Variants in KRT3 observed in about 807,000 individuals in gnomAD.
KRT3 encodes the protein keratin, type II cytoskeletal 3.
KRT3 carries 34 observed loss-of-function variants against 45.8 expected under a neutral mutation model. The observed-to-expected ratio is 0.74, with a 90% CI of 0.57 to 0.99. The LOEUF is 0.99. KRT3 is among the 50% of genes least tolerant of loss of function. KRT3 has a pLI of 0.00. For synonymous variants in KRT3, 367 were observed against 329.0 expected (o/e 1.12, Z -1.25); for missense variants, 828 against 820.6 (o/e 1.01, Z -0.11).
In KRT3 at chr12:52,795,482, G is replaced by C; in HGVS notation, c.561C>G (p.Ile187Met). 1.9e-6 allele frequency: 3 copies of C among 1,614,020 alleles called. No homozygotes were observed. The highest frequency in any genetic ancestry group is 2.5e-6 in the Non-Finnish European group (3 of 1,180,000). ...QSLLQPLNVE[I>M]DPQIGQVKAQ... ...CCTTTACTTGCCCAATCTGGGGGTC[G>C]ATCTCCACATTGAGGGGCTGCAGGA... Residue 187 changes from isoleucine (I) to methionine (M), a missense_variant, in exon 1 of 9, where the codon ATC becomes ATG. Ile to Met is a conservative substitution (Grantham distance 10). Coordinates refer to ENST00000417996, the MANE Select transcript of KRT3 (RefSeq NM_057088.3).
At chr12:52,792,655 A>G (rs1939548225) in intron 4 of KRT3, 56 bp downstream of exon 4, 2 of 1,336,896 alleles carry the variant, frequency 1.5e-6, no homozygotes, top group Non-Finnish European at 2.2e-6. Flanking sequence ...CACCAGCCTC[A>G]AATCTGGAAA....
At chr12:52,791,483 G>C (rs895476169) in intron 6 of KRT3, 57 bp from the exon 7 acceptor site, 1 of 1,547,902 alleles carries the variant, frequency 6.5e-7, no homozygotes, top group Admixed American at 1.7e-5. Flanking sequence ...GGCCCTTCCT[G>C]ACATGCAATG....
intron 6 of KRT3, 116 bp downstream of exon 6, chr12:52,791,575 G>A (rs1487866142): frequency 2.0e-6 from 3 of 1,486,896 alleles, no homozygotes; most frequent in African/African-American, 2.8e-5. Context: ...ATACTGCCCT[G>A]TGGGTCAGCC....
rs754055915 is a variant in KRT3 at position 52,790,332 on chromosome 12, C to A, written c.1597G>T (p.Ala533Ser). 1.9e-6 allele frequency: 3 copies of A among 1,594,110 alleles called. No individual in the cohort carries two copies. The highest frequency in any genetic ancestry group is 1.3e-5 in the African/African-American group (1 of 74,504). ...ISVVSSSTTS[A>S]SAGGYGGGYG... ...CCTCCTCCATAGCCACCTGCGGAGG[C>A]GGAAGTCGTGCTGCTGCTGACCACG... The change falls in exon 9 of 9, where the codon GCC (alanine) becomes TCC (serine). Residue 533 changes from alanine (A) to serine (S), a missense_variant. By Grantham distance (99) the Ala-to-Ser change is moderately conservative (BLOSUM62 1). Transcript: ENST00000417996.
chr12:52,790,701 C>T, intron 8 of KRT3, 137 bp downstream of exon 8: 2 of 845,462 alleles, frequency 2.4e-6, no homozygotes, highest in East Asian at 2.6e-5. Context: ...ATTACAAAAG[C>T]CAATCACTTC....
In KRT3 at chr12:52,792,670, T is replaced by C. The variant is rs770064856; in HGVS notation, c.1023+41A>G. ...CACCAGCCTCAAATCTGGAAACACC[T>C]CACTCTCCCTCTGTCCCTTCTTAGT... On this transcript the variant is annotated intron_variant, in intron 4 of 8. Coordinates refer to ENST00000417996, the MANE Select transcript of KRT3 (RefSeq NM_057088.3). 3 of 1,411,398 alleles carry C rather than the reference T, an allele frequency of 2.1e-6. No individual in the cohort carries two copies. The South Asian group carries it at 3.5e-5, about 16-fold the overall frequency. The allele number at this position is 1,411,398 out of a possible 1,614,324, so 87.4% of individuals were successfully genotyped here.
Position 52,790,052 on chromosome 12 carries a change from T to C in KRT3, c.1877A>G (p.Tyr626Cys). Residue 626 changes from tyrosine to cysteine, a missense_variant, in exon 9 of 9, where the codon TAC becomes TGC. Transcript: ENST00000417996. Reference protein sequence around the residue: ...FSQSSQSSQRYSR With the variant: ...FSQSSQSSQRCSR ...GCTGATGCGTGCTCTTTATCTGGAG[T>C]AGCGCTGGGAGGACTGGGAGGACTG... 6.5e-7 allele frequency: 1 copy of C among 1,538,694 alleles called. No homozygotes were observed. Among genetic ancestry groups the C allele is most frequent in the Non-Finnish European group, 8.7e-7 (1 of 1,146,744 alleles).
At position 52,790,846 on chromosome 12, in the gene KRT3, A is replaced by G. The variant is rs773478114; in HGVS notation, c.1562T>C (p.Val521Ala). The change falls in exon 8 of 9, where the codon GTC becomes GCC. Residue 521 changes from valine (V) to alanine (A), a missense_variant. By Grantham distance (64) the Val-to-Ala change is moderately conservative (BLOSUM62 0). Coordinates refer to ENST00000417996, the MANE Select transcript of KRT3 (RefSeq NM_057088.3). ...YRMSGECPSA[V>A]SISVVSSSTT... ...CTACTTTCGGTACTTACAGATGCTGACAGCACTCGGACACTCTCCAGACAT... is the reference window on the plus strand; with the variant it reads ...CTACTTTCGGTACTTACAGATGCTGGCAGCACTCGGACACTCTCCAGACAT... The G allele has an allele frequency of 1.9e-6, 3 of 1,597,408 alleles. No homozygotes were observed. The highest frequency in any genetic ancestry group is 2.7e-5 in the African/African-American group (2 of 74,596).
Position 52,789,784 on chromosome 12 carries a change from A to T in KRT3, c.*258T>A. 1.7e-6 allele frequency: 1 copy of T among 602,538 alleles called. No homozygotes were observed. The allele number at this position is 602,538 out of a possible 1,614,324, so 37.3% of individuals were successfully genotyped here. On this transcript the variant is annotated 3_prime_UTR_variant, in exon 9 of 9. Transcript: ENST00000417996. The stretch of plus-strand genomic sequence containing the variant: ...AGTGAGCATCCCACCCAGGGAGGGG[A>T]CTCCGGGGCAGCAGAAGGTGGCGGC...
Position 52,790,897 on chromosome 12 carries a change from G to A in KRT3, c.1536-25C>T, listed in dbSNP as rs368330058. Reference sequence around the variant, plus strand: ...CCTGTTTGAGAAAGCAAGAGAAAGTGGGCCCCGTCACAAAGCACATCACCA... The same window carrying A: ...CCTGTTTGAGAAAGCAAGAGAAAGTAGGCCCCGTCACAAAGCACATCACCA... On this transcript the variant is annotated intron_variant, in intron 7 of 8. Coordinates refer to ENST00000417996, the MANE Select transcript of KRT3 (RefSeq NM_057088.3). The A allele has an allele frequency of 1.3e-4, 207 of 1,585,076 alleles. 2 individuals are homozygous for A. The highest frequency in any genetic ancestry group is 1.2e-3 in the Middle Eastern group (7 of 6,038).
chr12:52,790,860 C>A lies in KRT3; in HGVS notation c.1548G>T (p.Glu516Asp). Residue 516 changes from glutamate (E) to aspartate (D), a missense_variant, in exon 8 of 9, where the codon GAG (glutamate) becomes GAT (aspartate). Glu to Asp is a conservative substitution (Grantham distance 45). Coordinates refer to ENST00000417996, the MANE Select transcript of KRT3 (RefSeq NM_057088.3). ...LEGEEYRMSGECPSAVSISVV... is the reference protein window; with the variant it reads ...LEGEEYRMSGDCPSAVSISVV... Reference sequence around the variant, plus strand: ...TACAGATGCTGACAGCACTCGGACACTCTCCAGACATCCTGTTTGAGAAAG... The same window carrying A: ...TACAGATGCTGACAGCACTCGGACAATCTCCAGACATCCTGTTTGAGAAAG... 1 of 1,598,440 alleles carries A rather than the reference C, an allele frequency of 6.3e-7. No individual in the cohort carries two copies. The highest frequency in any genetic ancestry group is 8.5e-7 in the Non-Finnish European group (1 of 1,172,214).
Position 52,792,375 on chromosome 12 carries a change from C to A in KRT3, c.1052G>T (p.Ser351Ile). The change falls in exon 5 of 9, where the codon AGT becomes ATT. Residue 351 changes from serine to isoleucine, a missense_variant. Transcript: ENST00000417996. ...AELSQMQSHISDTSVVLSMDN... is the reference protein window; with the variant it reads ...AELSQMQSHIIDTSVVLSMDN... ...CATGGACAGCACCACAGATGTGTCA[C>A]TGATGTGGCTCTGCATCTGAGATAG... 5.6e-6 allele frequency: 9 copies of A among 1,614,132 alleles called. No individual in the cohort carries two copies. Among genetic ancestry groups the A allele is most frequent in the Non-Finnish European group, 7.6e-6 (9 of 1,180,022 alleles).
intron 6 of KRT3, 65 bp downstream of exon 6, chr12:52,791,626 T>C (rs1939506343): frequency 6.3e-7 from 1 of 1,597,548 alleles, no homozygotes; most frequent in East Asian, 2.2e-5. Context: ...AGGGGAGGAG[T>C]CCTGAGATCC....
Position 52,794,127 on chromosome 12 carries a change from C to G in KRT3, c.850G>C (p.Glu284Gln). The G allele has an allele frequency of 1.9e-6, 3 of 1,614,022 alleles. No homozygotes were observed. In the South Asian group the frequency reaches 3.3e-5, roughly 18 times the overall value. ...GTCACTCACTTCTTCTTGAAGTCTTCCACCAGGTCCTCCATGTTCTTCAGC... is the reference window on the plus strand; with the variant it reads ...GTCACTCACTTCTTCTTGAAGTCTTGCACCAGGTCCTCCATGTTCTTCAGC... The part of the protein sequence containing the change: ...SELKNMEDLV[E>Q]DFKKKYEDEI... The change falls in exon 2 of 9, where the codon GAA becomes CAA. Residue 284 changes from glutamate (E) to glutamine (Q), a missense_variant. Transcript: ENST00000417996.
Position 52,792,824 on chromosome 12 carries a change from T to G in KRT3, c.928-18A>C, listed in dbSNP as rs967064887. 1.3e-6 allele frequency: 2 copies of G among 1,526,968 alleles called. No individual in the cohort carries two copies. The highest frequency in any genetic ancestry group is 1.8e-6 in the Non-Finnish European group (2 of 1,102,162). 94.6% of individuals were successfully genotyped at this position (1,526,968 alleles called of 1,614,324 possible). A position where few individuals can be genotyped will look rare whatever the true frequency, so the allele number is the denominator to read the frequency against. ...TCCACATCCTGAGAAAAGAGGAAGA[T>G]AAAGGCCTTATTCTCCCAATGAACA... On this transcript the variant is annotated intron_variant, in intron 3 of 8. Coordinates refer to ENST00000417996, the MANE Select transcript of KRT3 (RefSeq NM_057088.3).
At chr12:52,793,895 A>G (rs1479791017) in intron 2 of KRT3, among the ~76,000 whole-genome samples, 5 of 152,134 alleles carry the variant, frequency 3.3e-5, no homozygotes. Context: ...CCCAGCCTAA[A>G]CTCATCCTCT....
rs956108694 is a variant in KRT3 at position 52,796,092 on chromosome 12, G to C, written c.-50C>G. 7.6e-6 allele frequency: 12 copies of C among 1,588,794 alleles called. No individual in the cohort carries two copies. The highest frequency in any genetic ancestry group is 2.7e-5 in the African/African-American group (2 of 74,672). On this transcript the variant is annotated 5_prime_UTR_variant, in exon 1 of 9. Coordinates refer to ENST00000417996, the MANE Select transcript of KRT3 (RefSeq NM_057088.3). The stretch of plus-strand genomic sequence containing the variant: ...AGTGTAAGTTAAGCAGGGACACTGA[G>C]AGTCAGAGGAAGAGGGATGGGAAAT...
At chr12:52,794,941 C>T (rs1939603734) in intron 1 of KRT3, among the ~76,000 whole-genome samples, 1 of 152,186 alleles carries the variant, frequency 6.6e-6, no homozygotes, top group African/African-American at 2.4e-5. Context: ...TTCTTATGCT[C>T]TTAATCCCTG....
In KRT3 at chr12:52,791,742, G is replaced by A; in HGVS notation, c.1263C>T (p.Leu421=). Reference sequence around the variant, plus strand: ...CCCGCAGCCTCTGGATCATTCTGTTGAGCTCTATGATCTCGCTCTTGGTAT... The same window carrying A: ...CCCGCAGCCTCTGGATCATTCTGTTAAGCTCTATGATCTCGCTCTTGGTAT... The part of the protein sequence containing the change: ...LRNTKSEIIE[L]NRMIQRLRAE... The change falls in exon 6 of 9, where the codon CTC becomes CTT. Residue 421 remains leucine, a synonymous_variant. Coordinates refer to ENST00000417996, the MANE Select transcript of KRT3 (RefSeq NM_057088.3). The A allele has an allele frequency of 1.2e-6, 2 of 1,614,064 alleles. No homozygotes were observed. The highest frequency in any genetic ancestry group is 1.3e-5 in the African/African-American group (1 of 75,002).
Sources: allele counts gnomAD v4.1 joint callset (sites outside exome capture counted in the v4.1 genomes callset), GRCh38; gene constraint gnomAD v4.1.1; transcripts MANE v1.5; gene names NCBI Gene and HGNC (gene_info 2026-07-23, HGNC 2026-07-21).